The following ABCC8 variants were observed in gnomAD, a reference collection of about 807,000 sequenced individuals.
The protein encoded by ABCC8 is ATP-binding cassette sub-family C member 8.
A neutral mutation model predicts 188.0 loss-of-function variants in ABCC8; 137 were observed. The ratio of observed to expected loss-of-function variants is 0.73; its 90% confidence interval spans 0.63 to 0.84. The LOEUF (loss-of-function observed/expected upper bound fraction) is 0.84. Among genes scored for constraint, ABCC8 ranks in the 40% least tolerant of loss-of-function variants. The probability of loss-of-function intolerance (pLI) is 0.00; values close to 1 mark genes in which losing one functional copy is unlikely to be tolerated. For missense variants in ABCC8, 1,750 were observed against 2,072.7 expected (o/e 0.84, Z 3.02); for synonymous variants, 797 against 846.5 (o/e 0.94, Z 1.01).
chr11:17,402,122 G>A (rs1011541480), intron 29 of ABCC8, among the ~76,000 whole-genome samples: 7 of 152,190 alleles, frequency 4.6e-5, no homozygotes, highest in African/African-American at 1.7e-4. Flanking sequence ...TCGGGGCTTA[G>A]TAAATGTTTG....
intron 16 of ABCC8, among the ~76,000 whole-genome samples, chr11:17,417,448 T>A (rs1367532342): frequency 1.3e-5 from 2 of 152,204 alleles, no homozygotes; most frequent in African/African-American, 4.8e-5. Flanking sequence ...TTTCTCTTGT[T>A]TATAAATGCA....
intron 11 of ABCC8, among the ~76,000 whole-genome samples, chr11:17,431,389 C>T (rs1955841744): frequency 6.6e-6 from 1 of 152,238 alleles, no homozygotes; most frequent in South Asian, 2.1e-4. Flanking sequence ...GCCTCTGTTA[C>T]CCACAGTTCC....
At chr11:17,466,970 A>G (rs564858608) in intron 3 of ABCC8, among the ~76,000 whole-genome samples, 15 of 151,976 alleles carry the variant, frequency 9.9e-5, no homozygotes, top group African/African-American at 3.6e-4. Context: ...CCGGCTGTGA[A>G]TATACTTAAT....
chr11:17,459,865 T>C (rs1241906318), intron 6 of ABCC8, among the ~76,000 whole-genome samples: 1 of 152,244 alleles, frequency 6.6e-6, no homozygotes, highest in South Asian at 2.1e-4. Context: ...GCCAAGGCCA[T>C]TGGATATAAT....
At chr11:17,403,784 GT>G (rs901335666) in intron 28 of ABCC8, among the ~76,000 whole-genome samples, 13 of 152,000 alleles carry the variant, frequency 8.6e-5, no homozygotes, top group Non-Finnish European at 1.6e-4. Context: ...ACAGTCTGAT[GT>G]TTTTTTCATT....
intron 11 of ABCC8, 73 bp downstream of exon 11, chr11:17,432,131 C>G (rs1955875225): frequency 2.6e-6 from 4 of 1,542,044 alleles, no homozygotes; most frequent in South Asian, 1.2e-5. Flanking sequence ...AAGGCCAAAT[C>G]TGGGCAGCCT....
intron 10 of ABCC8, among the ~76,000 whole-genome samples, chr11:17,437,146 T>C (rs1042640078): frequency 1.4e-5 from 2 of 147,956 alleles, no homozygotes; most frequent in African/African-American, 5.0e-5. Flanking sequence ...AAGGTATCCC[T>C]GTTCCAGGCC....
intron 2 of ABCC8, 23 bp downstream of exon 2, chr11:17,474,863 T>C (rs1245483805): frequency 1.2e-6 from 2 of 1,613,154 alleles, no homozygotes; most frequent in South Asian, 1.1e-5. Flanking sequence ...TTCACTTTCC[T>C]GAGTCCTCAG....
At chr11:17,436,310 C>T (rs1349936461) in intron 10 of ABCC8, 2 of 372,902 alleles carry the variant, frequency 5.4e-6, no homozygotes, top group Non-Finnish European at 1.0e-5. Flanking sequence ...CAGGCTCTGG[C>T]ACCTCTCTGG....
At position 17,395,841 on chromosome 11, in the gene ABCC8, T is replaced by C; in HGVS notation, c.4198+11A>G. On this transcript the variant is annotated intron_variant, in intron 34 of 38. Transcript: ENST00000389817. ...TGTGGGTACACGTGGGGTGCCCGCC[T>C]TACAACTCACCTTCGAACGTGTCCA... is the stretch of plus-strand genomic sequence containing the variant. 1.3e-6 allele frequency: 2 copies of C among 1,571,002 alleles called. No homozygotes were observed. Among genetic ancestry groups the C allele is most frequent in the East Asian group, 4.6e-5 (2 of 43,072 alleles).
intron 29 of ABCC8, among the ~76,000 whole-genome samples, chr11:17,401,285 G>C (rs1954227355): frequency 6.6e-6 from 1 of 152,244 alleles, no homozygotes; most frequent in Non-Finnish European, 1.5e-5. Context: ...GGAGACTCTA[G>C]AGTCATAATC....
In ABCC8 at chr11:17,460,491, G is replaced by C. The variant is rs1199327855; in HGVS notation, c.1008C>G (p.Pro336=). The change falls in exon 6 of 39, where the codon CCC becomes CCG. Residue 336 remains proline (P), a synonymous_variant. Coordinates refer to ENST00000389817, the MANE Select transcript of ABCC8 (RefSeq NM_000352.6). ...HLGKENDVFQ[P]KTQFLGVYFV... ...CCCTACCCCTGGGGCTGCCTACCTT[G>C]GGCTGGAAGACGTCGTTCTCCTTCC... 1 of 1,613,984 alleles carries C rather than the reference G, an allele frequency of 6.2e-7. No homozygotes were observed. Among genetic ancestry groups the C allele is most frequent in the Admixed American group, 1.7e-5 (1 of 60,010 alleles).
In ABCC8 at chr11:17,402,657, G is replaced by C. The variant is rs374315114; in HGVS notation, c.3650+4C>G. On this transcript the variant is annotated splice_donor_region_variant and intron_variant, in intron 29 of 38. Transcript: ENST00000389817. The stretch of plus-strand genomic sequence containing the variant: ...TCCTACCTTGGGGGAATGTGGACTC[G>C]TACCTGAAGGCCCGGATGGTGGTGA... 158 of 1,614,114 alleles carry C rather than the reference G, an allele frequency of 9.8e-5. 1 individual carries two copies. Among genetic ancestry groups the C allele is most frequent in the South Asian group, 5.4e-4 (49 of 91,088 alleles).
At chr11:17,408,655 A>C in intron 22 of ABCC8, 138 bp from the exon 23 acceptor site, 1 of 1,391,438 alleles carries the variant, frequency 7.2e-7, no homozygotes, top group Non-Finnish European at 9.7e-7. Context: ...ATCCACTGCA[A>C]GTGGGCTGGT....
At chr11:17,448,481 C>T (rs370690456) in intron 8 of ABCC8, 35 bp downstream of exon 8, 65 of 1,592,178 alleles carry the variant, frequency 4.1e-5, no homozygotes, top group South Asian at 3.0e-4. Flanking sequence ...GTGTGTCCTG[C>T]TGCCCCCCTC....
At chr11:17,416,867 C>G (rs2133487429) in intron 17 of ABCC8, 63 bp downstream of exon 17, 5 of 1,549,600 alleles carry the variant, frequency 3.2e-6, no homozygotes, top group Non-Finnish European at 4.5e-6. Context: ...CACAAGTCCT[C>G]CACCCCCACC....
Position 17,395,922 on chromosome 11 carries a change from G to A in ABCC8, c.4128C>T (p.Ile1376=). 2 of 1,581,730 alleles carry A rather than the reference G, an allele frequency of 1.3e-6. No individual in the cohort carries two copies. Among genetic ancestry groups the A allele is most frequent in the Non-Finnish European group, 1.7e-6 (2 of 1,162,150 alleles). The change falls in exon 34 of 39, where the codon ATC becomes ATT. Residue 1376 remains isoleucine (I), a synonymous_variant. Transcript: ENST00000389817. ...ACTTCCCACTGCCGGTGCGGCCGCA[G>A]ATCCCGATCTGGAAAGAGAGAAGCA... ...ALIAPGQKIG[I]CGRTGSGKSS...
intron 27 of ABCC8, among the ~76,000 whole-genome samples, chr11:17,405,126 G>A (rs1398377689): frequency 6.6e-6 from 1 of 152,174 alleles, no homozygotes; most frequent in Admixed American, 6.5e-5. Flanking sequence ...AACTCCCTGA[G>A]GTAGGAATCA....
In ABCC8 at chr11:17,395,838, G is replaced by A. The variant is rs753385286; in HGVS notation, c.4198+14C>T. ...GGCTGTGGGTACACGTGGGGTGCCC[G>A]CCTTACAACTCACCTTCGAACGTGT... On this transcript the variant is annotated intron_variant, in intron 34 of 38. Transcript: ENST00000389817. 2.2e-5 allele frequency: 35 copies of A among 1,567,960 alleles called. No individual in the cohort carries two copies. The highest frequency in any genetic ancestry group is 5.4e-5 in the African/African-American group (4 of 74,240).
Sources: gnomAD v4.1 joint callset for allele counts (sites outside exome capture counted in the v4.1 genomes callset) on GRCh38, gnomAD v4.1.1 for gene constraint, MANE v1.5 for transcripts, NCBI Gene and HGNC (gene_info 2026-07-23, HGNC 2026-07-21) for gene names.